Variants in HNRNPLL observed in about 807,000 individuals in gnomAD.
HNRNPLL encodes the protein heterogeneous nuclear ribonucleoprotein L like, also known as heterogeneous nuclear ribonucleoprotein L-like.
HNRNPLL carries 25 observed loss-of-function variants against 67.1 expected under a neutral mutation model. The observed-to-expected ratio is 0.37, with a 90% CI of 0.27 to 0.52. HNRNPLL has a LOEUF of 0.52. Ranked by LOEUF, HNRNPLL falls within the 20% of genes least tolerant of loss-of-function variation. The pLI is 0.90. For synonymous variants in HNRNPLL, 267 were observed against 241.7 expected, an observed-to-expected ratio of 1.10 and a Z score of -0.97; for missense variants, 542 against 673.9, an observed-to-expected ratio of 0.80 and a Z score of 2.17.
At chr2:38,576,288 T>G (rs998774675) in intron 7 of HNRNPLL, among the ~76,000 whole-genome samples, 1 of 151,802 alleles carries the variant, frequency 6.6e-6, no homozygotes, top group Non-Finnish European at 1.5e-5. Flanking sequence ...AAACTTGTAA[T>G]GGCAAATTTT....
At position 38,568,250 on chromosome 2, in the gene HNRNPLL, C is replaced by A; in HGVS notation, c.1522G>T (p.Asp508Tyr). The A allele has an allele frequency of 6.2e-7, 1 of 1,613,676 alleles. No homozygotes were observed. The highest frequency in any genetic ancestry group is 1.1e-5 in the South Asian group (1 of 91,060). ...SGLLEWECKT[D>Y]AVEALTALNH... ...AGTGCCGTAAGGGCTTCTACTGCATCAGTTTTGCACTCCCATTCTAATAGC... is the reference window on the plus strand; with the variant it reads ...AGTGCCGTAAGGGCTTCTACTGCATAAGTTTTGCACTCCCATTCTAATAGC... Residue 508 changes from aspartate (D) to tyrosine (Y), a missense_variant, in exon 12 of 13, where the codon GAT becomes TAT. Around this residue, in one of 2 missense-constraint regions of HNRNPLL, gnomAD observed 415 missense variants for 575.2 expected, o/e 0.72. Transcript: ENST00000449105.
rs75636938 is a variant in HNRNPLL at position 38,599,049 on chromosome 2, C to G, written c.189+3389G>C. ...CATCTCCCAACCCATATGCATCTAA[C>G]AGATCACAGTAATATTGCTATCATT... On this transcript the variant is annotated intron_variant, in intron 1 of 12. Coordinates refer to ENST00000449105, the MANE Select transcript of HNRNPLL (RefSeq NM_138394.4). Among the ~76,000 whole-genome samples, 6 of 152,328 alleles carry G rather than the reference C, an allele frequency of 3.9e-5. No individual in the cohort carries two copies. In the East Asian group the frequency reaches 1.2e-3, roughly 29 times the overall value.
In HNRNPLL at chr2:38,573,292, A is replaced by G; in HGVS notation, c.1010T>C (p.Val337Ala). 1 of 1,612,240 alleles carries G rather than the reference A, an allele frequency of 6.2e-7. No homozygotes were observed. Among genetic ancestry groups the G allele is most frequent in the Non-Finnish European group, 8.5e-7 (1 of 1,179,000 alleles). The change falls in exon 8 of 13, where the codon GTA (valine) becomes GCA (alanine). Residue 337 changes from valine (V) to alanine (A), a missense_variant. Transcript: ENST00000449105. Reference protein sequence around the residue: ...MHGGNPSGSVVMVSGLHQLKM... With the variant: ...MHGGNPSGSVAMVSGLHQLKM... ...TAGTTGATGTAATCCACTAACCATT[A>G]CAACTGAACCAGAGGGATTTCCTCC...
chr2:38,583,032 T>C (rs1001044342), intron 4 of HNRNPLL, among the ~76,000 whole-genome samples: 5 of 152,046 alleles, frequency 3.3e-5, no homozygotes, highest in African/African-American at 9.7e-5. Context: ...CTTGCAACCT[T>C]GAAACAGAAA....
intron 1 of HNRNPLL, among the ~76,000 whole-genome samples, chr2:38,601,209 TGA>T (rs1667417334): frequency 6.6e-6 from 1 of 152,186 alleles, no homozygotes; most frequent in Non-Finnish European, 1.5e-5. Flanking sequence ...GTAACAAGAC[TGA>T]GAGAAAAAGT....
chr2:38,570,009 G>A, intron 8 of HNRNPLL, 84 bp from the exon 9 acceptor site: 1 of 910,526 alleles, frequency 1.1e-6, no homozygotes, highest in East Asian at 2.6e-5. Flanking sequence ...CGACCTAAGT[G>A]GTTAAAGTAA....
chr2:38,580,865 C>T (rs186195261), intron 6 of HNRNPLL, among the ~76,000 whole-genome samples: 3 of 152,240 alleles, frequency 2.0e-5, no homozygotes, highest in African/African-American at 4.8e-5. Flanking sequence ...TTTGAAATGT[C>T]AAAATTTCTA....
chr2:38,565,929 G>T, intron 12 of HNRNPLL: 3 of 713,938 alleles, frequency 4.2e-6, no homozygotes, highest in Non-Finnish European at 3.4e-6. Context: ...ATATTTTAAA[G>T]CAAATTTCAG....
chr2:38,597,226 A>AT (rs1313699082), intron 1 of HNRNPLL, among the ~76,000 whole-genome samples: 1 of 152,122 alleles, frequency 6.6e-6, no homozygotes, highest in East Asian at 1.9e-4. Flanking sequence ...TAATCTTTCA[A>AT]TTACCGATAT....
chr2:38,591,833 A>G (rs72907903), intron 1 of HNRNPLL, among the ~76,000 whole-genome samples, 185 bp from the exon 2 acceptor site: 18,602 of 152,034 alleles, frequency 0.12, 1,224 homozygotes, highest in African/African-American at 0.13. Flanking sequence ...AAAATTAGCC[A>G]GGCATGGTGG....
chr2:38,565,601 T>G (rs1298740544), intron 12 of HNRNPLL, among the ~76,000 whole-genome samples: 1 of 151,540 alleles, frequency 6.6e-6, no homozygotes, highest in African/African-American at 2.4e-5. Flanking sequence ...GGTGTTGCAC[T>G]CCTATAGCCC....
Position 38,569,974 on chromosome 2 carries a change from G to T in HNRNPLL, c.1093-49C>A, listed in dbSNP as rs1666006163. 2.8e-6 allele frequency: 4 copies of T among 1,407,990 alleles called. No homozygotes were observed. The Admixed American group carries it at 8.6e-5, about 30-fold the overall frequency. 87.2% of individuals were successfully genotyped at this position (1,407,990 alleles called of 1,614,324 possible). On this transcript the variant is annotated intron_variant, in intron 8 of 12. Transcript: ENST00000449105. Reference sequence around the variant, plus strand: ...GGTGACCATTTAATTCCCTTTTACAGTAAAAGAAATTTTAAAACACAATAC... The same window carrying T: ...GGTGACCATTTAATTCCCTTTTACATTAAAAGAAATTTTAAAACACAATAC...
chr2:38,588,947 T>C (rs1202496324), intron 2 of HNRNPLL, among the ~76,000 whole-genome samples: 1 of 152,170 alleles, frequency 6.6e-6, no homozygotes, highest in Non-Finnish European at 1.5e-5. Context: ...TCAATGCTTT[T>C]AACTCCATCA....
chr2:38,596,053 ATTCT>A (rs1349512669), intron 1 of HNRNPLL, among the ~76,000 whole-genome samples: 3 of 150,578 alleles, frequency 2.0e-5, no homozygotes, highest in Non-Finnish European at 3.0e-5. Context: ...CAATTTTCTC[ATTCT>A]TTCTGTAGTG....
chr2:38,562,970 T>C lies in HNRNPLL; in HGVS notation c.*1212A>G, dbSNP rs561342465. Reference sequence around the variant, plus strand: ...AAGTGTCAGGATTACAAAACTGATATTGTCAACTACTGATATCAGTTATTC... The same window carrying C: ...AAGTGTCAGGATTACAAAACTGATACTGTCAACTACTGATATCAGTTATTC... On this transcript the variant is annotated 3_prime_UTR_variant, in exon 13 of 13. Transcript: ENST00000449105. 6.6e-6 allele frequency: 1 copy of C among 152,234 alleles called. No individual in the cohort carries two copies. The highest frequency in any genetic ancestry group is 2.4e-5 in the African/African-American group (1 of 41,580). 9.4% of individuals were successfully genotyped at this position (152,234 alleles called of 1,614,324 possible).
chr2:38,569,030 T>C, intron 10 of HNRNPLL, 103 bp downstream of exon 10: 2 of 832,738 alleles, frequency 2.4e-6, no homozygotes, highest in Admixed American at 2.0e-5. Flanking sequence ...AGTAATAACA[T>C]CAAAAGCAAA....
At chr2:38,594,596 A>C (rs1667100091) in intron 1 of HNRNPLL, among the ~76,000 whole-genome samples, 1 of 152,238 alleles carries the variant, frequency 6.6e-6, no homozygotes, top group Non-Finnish European at 1.5e-5. Context: ...ATATAATAAA[A>C]AGTTGCAAAA....
At chr2:38,582,007 T>C in intron 5 of HNRNPLL, 22 bp from the exon 6 acceptor site, 2 of 1,605,624 alleles carry the variant, frequency 1.2e-6, no homozygotes, top group Non-Finnish European at 1.7e-6. Flanking sequence ...GAAAATAATG[T>C]AAGTTCAAAC....
At chr2:38,565,006 AAAC>A (rs1665801987) in intron 12 of HNRNPLL, among the ~76,000 whole-genome samples, 1 of 151,180 alleles carries the variant, frequency 6.6e-6, no homozygotes, top group South Asian at 2.1e-4. Context: ...GAAAAAAAAA[AAAC>A]AAACCAACTG....
Sources: gnomAD v4.1 joint callset for allele counts (sites outside exome capture counted in the v4.1 genomes callset) on GRCh38, gnomAD v4.1.1 for gene constraint, gnomAD v4.1.1 regional missense constraint, MANE v1.5 for transcripts, NCBI Gene and HGNC (gene_info 2026-07-23, HGNC 2026-07-21) for gene names.